DFFB: variants seen among roughly 807,000 people sequenced by gnomAD.
DFFB encodes the protein DNA fragmentation factor 40 kDa subunit.
A neutral mutation model predicts 32.7 loss-of-function variants in DFFB; 29 were observed. The ratio of observed to expected loss-of-function variants is 0.89; its 90% CI spans 0.66 to 1.21. The LOEUF (loss-of-function observed/expected upper bound fraction) is 1.21, where lower values mean the gene tolerates loss of function less well. Ranked by LOEUF, DFFB falls within the 50% of genes most tolerant of loss-of-function variation. DFFB has a pLI of 0.00. For missense variants in DFFB, 398 were observed against 440.6 expected, an observed-to-expected ratio of 0.90 and a Z score of 0.87; for synonymous variants, 170 against 177.1, an observed-to-expected ratio of 0.96 and a Z score of 0.32.
chr1:3,858,738 G>A lies in DFFB; in HGVS notation c.135G>A (p.Arg45=). ...LRFQLPERGS[R]LCLYEDGTEL... is the part of the protein sequence containing the mutation. The stretch of plus-strand genomic sequence containing the variant: ...TGCAGCTCCCTGAGCGCGGTTCCCG[G>A]CTGTGCCTGTACGAGGATGGCACGG... The change falls in exon 2 of 7, where the codon CGG becomes CGA. Residue 45 remains arginine, a synonymous_variant. Transcript: ENST00000378209. 6.2e-7 allele frequency: 1 copy of A among 1,614,110 alleles called. No individual in the cohort carries two copies.
chr1:3,875,019 A>G (rs35027999), intron 6 of DFFB, among the ~76,000 whole-genome samples: 21,394 of 151,866 alleles, frequency 0.14, 1,523 homozygotes, highest in South Asian at 0.17. Context: ...TGGGTTTAAC[A>G]TGTACATATG....
intron 6 of DFFB, among the ~76,000 whole-genome samples, chr1:3,875,461 C>T (rs1004507248): frequency 1.4e-4 from 21 of 152,150 alleles, no homozygotes; most frequent in African/African-American, 4.8e-4. Context: ...TGAGCCTGGC[C>T]AGGCTGCTCT....
chr1:3,868,608 T>TACCAC (rs1557715984), intron 4 of DFFB, among the ~76,000 whole-genome samples: 2 of 3,176 alleles, frequency 6.3e-4, no homozygotes, highest in African/African-American at 1.3e-3. Context: ...TACCACACCA[T>TACCAC]ACCAGACCAC....
At chr1:3,872,412 A>AAC in intron 5 of DFFB, 60 bp from the exon 6 acceptor site, 1 of 1,319,362 alleles carries the variant, frequency 7.6e-7, no homozygotes, top group African/African-American at 1.5e-5. Context: ...GCGCTGTCTC[A>AAC]AGAAAAAAAA....
intron 6 of DFFB, among the ~76,000 whole-genome samples, chr1:3,881,115 G>GC (rs1422559983): frequency 1.3e-5 from 2 of 152,218 alleles, no homozygotes. Context: ...GCCTGCTTGT[G>GC]TGGGGGACTT....
intron 2 of DFFB, among the ~76,000 whole-genome samples, chr1:3,859,556 TG>T (rs1459393555): frequency 6.6e-6 from 1 of 152,036 alleles, no homozygotes; most frequent in Non-Finnish European, 1.5e-5. Context: ...AGGAAGGACA[TG>T]GGTGCTCTGA....
chr1:3,875,759 A>G (rs1645209767), intron 6 of DFFB, among the ~76,000 whole-genome samples: 1 of 151,896 alleles, frequency 6.6e-6, no homozygotes, highest in Non-Finnish European at 1.5e-5. Context: ...TAATCCTATG[A>G]TATCTTTTAT....
intron 6 of DFFB, 109 bp downstream of exon 6, chr1:3,872,681 ACGG>A: frequency 4.1e-6 from 4 of 977,966 alleles, no homozygotes; most frequent in Admixed American, 2.1e-5. Context: ...TGTCCCTGCC[ACGG>A]TGTTGCCTCC....
chr1:3,870,024 G>C (rs1645079626), intron 5 of DFFB, among the ~76,000 whole-genome samples: 1 of 152,270 alleles, frequency 6.6e-6, no homozygotes, highest in African/African-American at 2.4e-5. Context: ...TGTCTCGGTA[G>C]TGCTGGGCGG....
chr1:3,858,888 TC>T, intron 2 of DFFB, 44 bp downstream of exon 2: 1 of 1,605,448 alleles, frequency 6.2e-7, no homozygotes, highest in Non-Finnish European at 8.5e-7. Context: ...GCTGGCACTC[TC>T]CGAGGTCCTG....
At chr1:3,868,465 C>T (rs970791360) in intron 4 of DFFB, among the ~76,000 whole-genome samples, 3 of 152,132 alleles carry the variant, frequency 2.0e-5, no homozygotes, top group South Asian at 2.1e-4. Context: ...CCCATGAGCC[C>T]ATCCTTGGTC....
Position 3,866,228 on chromosome 1 carries a change from G to T in DFFB, c.430+228G>T, listed in dbSNP as rs1016121251. 2.0e-5 allele frequency: 13 copies of T among 663,992 alleles called. No homozygotes were observed. In the Admixed American group the frequency reaches 2.5e-4, roughly 13 times the overall value. The allele number at this position is 663,992 out of a possible 1,614,324, so 41.1% of individuals were successfully genotyped here. A position where few individuals can be genotyped will look rare whatever the true frequency, so the allele number is the denominator to read the frequency against. ...AGAGTCCAGGGCAGCCCTCGGATGG[G>T]ACTTTTTATATTTTTATAGATATGT... On this transcript the variant is annotated intron_variant, in intron 3 of 6. Coordinates refer to ENST00000378209, the MANE Select transcript of DFFB (RefSeq NM_004402.4).
intron 6 of DFFB, among the ~76,000 whole-genome samples, chr1:3,877,405 T>G (rs1645246751): frequency 6.9e-6 from 1 of 145,810 alleles, no homozygotes; most frequent in Admixed American, 7.0e-5. Context: ...CTCGACTCAC[T>G]GCAACCTCTG....
chr1:3,877,328 G>GTTTTTTTTTT lies in DFFB; in HGVS notation c.782+4766_782+4775dup, dbSNP rs5772128. 1.4e-3 allele frequency among the ~76,000 whole-genome samples: 160 copies of GTTTTTTTTTT among 113,868 alleles called. 8 individuals carry two copies. The highest frequency in any genetic ancestry group is 5.3e-3 in the African/African-American group (149 of 27,920). 74.7% of individuals were successfully genotyped at this position (113,868 alleles called of 152,430 possible). A position where few individuals can be genotyped will look rare whatever the true frequency, so the allele number is the denominator to read the frequency against. On this transcript the variant is annotated intron_variant, in intron 6 of 6. Transcript: ENST00000378209. The stretch of plus-strand genomic sequence containing the variant: ...GCATGAGTTGTGTCTTGGGAGTTCA[G>GTTTTTTTTTT]TTTTTTTTTTTTTTTTTTTGAGGCA...
chr1:3,858,076 C>T (rs905877450), intron 1 of DFFB, among the ~76,000 whole-genome samples: 2 of 152,208 alleles, frequency 1.3e-5, no homozygotes, highest in African/African-American at 4.8e-5. Flanking sequence ...AAAGGCTTGG[C>T]TAGGTGGGCT....
At chr1:3,874,862 C>T (rs1271531480) in intron 6 of DFFB, among the ~76,000 whole-genome samples, 3 of 151,736 alleles carry the variant, frequency 2.0e-5, no homozygotes, top group Middle Eastern at 3.4e-3. Flanking sequence ...GTGGGTTTAA[C>T]GTGCACATAC....
chr1:3,873,442 AGAG>A (rs1342412829), intron 6 of DFFB, among the ~76,000 whole-genome samples: 1 of 151,934 alleles, frequency 6.6e-6, no homozygotes, highest in African/African-American at 2.4e-5. Context: ...CATGACGCTC[AGAG>A]GAGATGCTCA....
intron 6 of DFFB, chr1:3,873,073 A>C: frequency 9.9e-7 from 1 of 1,014,028 alleles, no homozygotes; most frequent in Non-Finnish European, 1.3e-6. Flanking sequence ...TGGCTCACTG[A>C]AGCCCTGAAC....
chr1:3,865,672 C>A lies in DFFB; in HGVS notation c.242-140C>A. The stretch of plus-strand genomic sequence containing the variant: ...TGGTGTCAGGGCAAGGACAAAGACC[C>A]GGGACACCTCAAGTCTGAGTCCTGG... On this transcript the variant is annotated intron_variant, in intron 2 of 6. Transcript: ENST00000378209. The surrounding 1 kb of genome is among the most constrained non-coding windows in gnomAD (Gnocchi z 4.7). 1 of 1,348,954 alleles carries A rather than the reference C, an allele frequency of 7.4e-7. No homozygotes were observed. The highest frequency in any genetic ancestry group is 1.1e-6 in the Non-Finnish European group (1 of 943,104). 83.6% of individuals were successfully genotyped at this position (1,348,954 alleles called of 1,614,324 possible). A position where few individuals can be genotyped will look rare whatever the true frequency, so the allele number is the denominator to read the frequency against.
Sources: allele counts gnomAD v4.1 joint callset (sites outside exome capture counted in the v4.1 genomes callset), GRCh38; gene constraint gnomAD v4.1.1; non-coding constraint Gnocchi (gnomAD v3.1); transcripts MANE v1.5; gene names NCBI Gene and HGNC (gene_info 2026-07-23, HGNC 2026-07-21).